The following CXXC5 variants were observed in gnomAD, a reference collection of about 807,000 sequenced individuals.
CXXC5 encodes CXXC-type zinc finger protein 5.
Under a neutral mutation model 17.6 loss-of-function variants are expected in CXXC5, and 2 were observed. The observed-to-expected ratio is 0.11, with a 90% confidence interval of 0.05 to 0.36. CXXC5 has a LOEUF of 0.36. CXXC5 is among the 10% of genes least tolerant of loss of function. The probability of loss-of-function intolerance (pLI) is 1.00; values close to 1 mark genes in which losing one functional copy is unlikely to be tolerated. For missense variants in CXXC5, 343 were observed against 458.3 expected, an observed-to-expected ratio of 0.75 and a Z score of 2.30; for synonymous variants, 171 against 193.0, an observed-to-expected ratio of 0.89 and a Z score of 0.94.
chr5:139,670,919 G>A lies in CXXC5; in HGVS notation c.-160-9445G>A, dbSNP rs1028103145. ...TGCAGCACACCTCCCAGGTAGACAC[G>A]CGAAAACACACTGTATGCATTGCTC... On this transcript the variant is annotated intron_variant, in intron 1 of 2. Transcript: ENST00000302517. This position sits in a 1 kb window ranked among gnomAD's most constrained non-coding sequence, Gnocchi z 4.2. Among the ~76,000 whole-genome samples the A allele has an allele frequency of 3.9e-5, 6 of 152,174 alleles. No homozygotes were observed. The highest frequency in any genetic ancestry group is 7.2e-5 in the African/African-American group (3 of 41,438).
In CXXC5 at chr5:139,680,880, T is replaced by C. The variant is rs2126827290; in HGVS notation, c.357T>C (p.His119=). 1.9e-6 allele frequency: 3 copies of C among 1,607,750 alleles called. No individual in the cohort carries two copies. The highest frequency in any genetic ancestry group is 2.5e-6 in the Non-Finnish European group (3 of 1,179,990). ...CTGCCTCCCTGTTGGCCAATGGGCA[T>C]GACCTGGCGGCGGCCATGGCGGTGG... The part of the protein sequence containing the change: ...AAAASLLANG[H]DLAAAMAVDK... The change falls in exon 2 of 3, where the codon CAT becomes CAC. Residue 119 remains histidine (H), a synonymous_variant. Transcript: ENST00000302517.
At chr5:139,659,035 C>T (rs1755635147) in intron 1 of CXXC5, among the ~76,000 whole-genome samples, 2 of 152,110 alleles carry the variant, frequency 1.3e-5, no homozygotes, top group Admixed American at 1.3e-4. Context: ...TGCAGTCAAC[C>T]CCTTTCAGGA....
At chr5:139,660,609 G>A (rs191288922) in intron 1 of CXXC5, among the ~76,000 whole-genome samples, 268 of 152,152 alleles carry the variant, frequency 1.8e-3, no homozygotes, top group African/African-American at 5.1e-3. Context: ...TTGGTTTTTC[G>A]TAGCTTGAGA....
chr5:139,669,362 C>T (rs983089199), intron 1 of CXXC5, among the ~76,000 whole-genome samples: 2 of 152,152 alleles, frequency 1.3e-5, no homozygotes, highest in African/African-American at 4.8e-5. Context: ...GGCTGATGTC[C>T]CTAGAGTGGC....
intron 1 of CXXC5, among the ~76,000 whole-genome samples, chr5:139,678,628 GC>G (rs999446376): frequency 1.7e-4 from 26 of 152,238 alleles, no homozygotes; most frequent in African/African-American, 4.1e-4. Flanking sequence ...TCCTGGGGAA[GC>G]CCCCCCTCCC....
intron 1 of CXXC5, among the ~76,000 whole-genome samples, chr5:139,653,513 G>C (rs749354932): frequency 6.6e-6 from 1 of 152,182 alleles, no homozygotes; most frequent in Non-Finnish European, 1.5e-5. Flanking sequence ...CCCCAGATGA[G>C]AGTCCATAGG....
intron 1 of CXXC5, among the ~76,000 whole-genome samples, chr5:139,660,930 C>A (rs1313603736): frequency 8.0e-6 from 1 of 125,770 alleles, no homozygotes; most frequent in Non-Finnish European, 1.6e-5. Flanking sequence ...CTTGCCTGGG[C>A]CTGGTGGCCG....
In CXXC5 at chr5:139,657,926, C is replaced by T. The variant is rs356446; in HGVS notation, c.-161+9081C>T. Among the ~76,000 whole-genome samples, 1,351 of 142,878 alleles carry T rather than the reference C, an allele frequency of 9.5e-3. 9 individuals carry two copies. Among genetic ancestry groups the T allele is most frequent in the African/African-American group, 0.031 (1,253 of 40,036 alleles). The allele number at this position is 142,878 out of a possible 152,430, so 93.7% of individuals were successfully genotyped here. On this transcript the variant is annotated intron_variant, in intron 1 of 2. Transcript: ENST00000302517. ...GCAGGATGGGGTGCAGGCATGCAAA[C>T]CCCCCACCACCCACTCTCACTCTGG...
intron 1 of CXXC5, among the ~76,000 whole-genome samples, chr5:139,671,825 C>G (rs973875255): frequency 6.6e-6 from 1 of 152,244 alleles, no homozygotes; most frequent in Admixed American, 6.5e-5. Context: ...TAGCTGAAGT[C>G]TTCCTTCCCT....
intron 1 of CXXC5, among the ~76,000 whole-genome samples, chr5:139,650,218 A>T (rs566381897): frequency 7.6e-4 from 116 of 152,216 alleles, no homozygotes; most frequent in African/African-American, 2.6e-3. Context: ...GTCTCCCGCG[A>T]CGGGGGTCTG....
At chr5:139,657,605 G>A (rs1243930387) in intron 1 of CXXC5, among the ~76,000 whole-genome samples, 1 of 152,234 alleles carries the variant, frequency 6.6e-6, no homozygotes, top group Non-Finnish European at 1.5e-5. Flanking sequence ...CAAGGTAGGG[G>A]CAAGGCGGAG....
chr5:139,666,251 A>G (rs1431644419), intron 1 of CXXC5, among the ~76,000 whole-genome samples: 2 of 152,120 alleles, frequency 1.3e-5, no homozygotes, highest in Non-Finnish European at 2.9e-5. Flanking sequence ...TATGGGTGAT[A>G]GGGGCCTTGA....
chr5:139,654,634 C>T (rs960304719), intron 1 of CXXC5, among the ~76,000 whole-genome samples: 6 of 152,162 alleles, frequency 3.9e-5, no homozygotes, highest in African/African-American at 1.4e-4. Flanking sequence ...GGTGTGTGAC[C>T]GTGGGTGCAT....
intron 1 of CXXC5, among the ~76,000 whole-genome samples, chr5:139,655,795 T>C (rs945321475): frequency 9.9e-5 from 15 of 150,766 alleles, no homozygotes; most frequent in Non-Finnish European, 2.1e-4. Context: ...GAGCTGGTTT[T>C]ATTTATTTTT....
rs1405965937 is a variant in CXXC5, at chr5:139,661,076, C to T, written c.-161+12231C>T. On this transcript the variant is annotated intron_variant, in intron 1 of 2. Transcript: ENST00000302517. The surrounding 1 kb of genome is among the most constrained non-coding windows in gnomAD (Gnocchi z 4.7). ...GGACCAGGACAGCCTCCCCCACCTCCGCCCTCATGCTCTTCCCCATGCTGC... is the reference window on the plus strand; with the variant it reads ...GGACCAGGACAGCCTCCCCCACCTCTGCCCTCATGCTCTTCCCCATGCTGC... Among the ~76,000 whole-genome samples, 6 of 152,170 alleles carry T rather than the reference C, an allele frequency of 3.9e-5. No homozygotes were observed. Among genetic ancestry groups the T allele is most frequent in the Admixed American group, 2.6e-4 (4 of 15,286 alleles).
At chr5:139,667,365 C>A (rs11748290) in intron 1 of CXXC5, among the ~76,000 whole-genome samples, 15 of 152,218 alleles carry the variant, frequency 9.9e-5, no homozygotes, top group Non-Finnish European at 1.8e-4. Context: ...TCTGTGTGTC[C>A]CTACACTGGG....
At position 139,648,663 on chromosome 5, in the gene CXXC5, C is replaced by G. The variant is rs932035973; in HGVS notation, c.-343C>G. 1.3e-5 allele frequency: 2 copies of G among 151,414 alleles called. No individual in the cohort carries two copies. Among genetic ancestry groups the G allele is most frequent in the Non-Finnish European group, 1.5e-5 (1 of 67,702 alleles). 9.4% of individuals were successfully genotyped at this position (151,414 alleles called of 1,614,324 possible). On this transcript the variant is annotated 5_prime_UTR_variant, in exon 1 of 3. Transcript: ENST00000302517. ...GGGGCAGGTGCTGCAGGCTCCCCCC[C>G]CTCCCCGCCTCGGGCCAGCCGCGGC...
rs1158616201 is a variant in CXXC5, at chr5:139,658,214, G to A, written c.-161+9369G>A. 1.3e-5 allele frequency among the ~76,000 whole-genome samples: 2 copies of A among 152,188 alleles called. No homozygotes were observed. Among genetic ancestry groups the A allele is most frequent in the Non-Finnish European group, 2.9e-5 (2 of 68,036 alleles). ...GCCCCCTTTCTTCCTGGGGCGGTCAGATCTTGGTGGCCTAGAATTTCTTAG... is the reference window on the plus strand; with the variant it reads ...GCCCCCTTTCTTCCTGGGGCGGTCAAATCTTGGTGGCCTAGAATTTCTTAG... On this transcript the variant is annotated intron_variant, in intron 1 of 2. Coordinates refer to ENST00000302517, the MANE Select transcript of CXXC5 (RefSeq NM_016463.9). The surrounding 1 kb of genome is among the most constrained non-coding windows in gnomAD (Gnocchi z 4.1).
intron 1 of CXXC5, among the ~76,000 whole-genome samples, chr5:139,674,184 T>C (rs1368208675): frequency 6.6e-6 from 1 of 152,128 alleles, no homozygotes; most frequent in African/African-American, 2.4e-5. Context: ...CCAAGACCAG[T>C]CTCCCTGGGC....
Sources: gnomAD v4.1 joint callset for allele counts (sites outside exome capture counted in the v4.1 genomes callset) on GRCh38, gnomAD v4.1.1 for gene constraint, Gnocchi (gnomAD v3.1) non-coding constraint, MANE v1.5 for transcripts, NCBI Gene and HGNC (gene_info 2026-07-23, HGNC 2026-07-21) for gene names.